The following AGBL4 variants were observed in gnomAD, a reference collection of about 807,000 sequenced individuals.
AGBL4 encodes the protein cytosolic carboxypeptidase 6.
In AGBL4, 58 loss-of-function variants were observed where a neutral mutation model predicts 66.4. The observed-to-expected ratio is 0.87, with a 90% CI of 0.71 to 1.09. The LOEUF (loss-of-function observed/expected upper bound fraction) is 1.09. AGBL4 is among the 50% of genes least tolerant of loss of function. The pLI is 0.00. For synonymous variants in AGBL4, 234 were observed against 222.9 expected (o/e 1.05, Z -0.44); for missense variants, 579 against 631.0 (o/e 0.92, Z 0.88).
chr1:48,525,061 C>G, the AGBL4 span, among the ~76,000 whole-genome samples: 1 of 152,106 alleles, frequency 6.6e-6, no homozygotes, highest in Non-Finnish European at 1.5e-5. Flanking sequence ...CTCATTTTCG[C>G]CACCAGCAGC....
chr1:48,886,055 C>T (rs1650299485), intron 5 of AGBL4, among the ~76,000 whole-genome samples: 1 of 152,174 alleles, frequency 6.6e-6, no homozygotes, highest in Non-Finnish European at 1.5e-5. Context: ...CCACTTCCAT[C>T]TTGGGGAGAG....
chr1:49,865,954 A>C, intron 1 of AGBL4: 1 of 402,104 alleles, frequency 2.5e-6, no homozygotes, highest in Non-Finnish European at 5.1e-6. Context: ...TGAGAATATA[A>C]TTTTGCAACC....
At chr1:49,838,762 T>C (rs1645915551) in intron 2 of AGBL4, among the ~76,000 whole-genome samples, 1 of 152,198 alleles carries the variant, frequency 6.6e-6, no homozygotes, top group Non-Finnish European at 1.5e-5. Flanking sequence ...CATGTTCTGG[T>C]TATCACTAGA....
chr1:49,632,962 T>G (rs904244202), intron 3 of AGBL4, among the ~76,000 whole-genome samples: 8 of 152,044 alleles, frequency 5.3e-5, no homozygotes, highest in African/African-American at 1.9e-4. Flanking sequence ...TAGTCCCAGC[T>G]ACTCGGGAGG....
intron 2 of AGBL4, among the ~76,000 whole-genome samples, chr1:49,757,861 T>A (rs570340757): frequency 1.0e-3 from 154 of 152,132 alleles, no homozygotes; most frequent in Non-Finnish European, 1.7e-3. Context: ...TGGGGAAAAA[T>A]TCAAGCAGTC....
At chr1:48,881,306 T>C (rs1649761510) in intron 5 of AGBL4, among the ~76,000 whole-genome samples, 1 of 152,214 alleles carries the variant, frequency 6.6e-6, no homozygotes, top group South Asian at 2.1e-4. Flanking sequence ...TGAACTGTTG[T>C]TTTAATTCCT....
At chr1:49,129,897 C>A (rs989977753) in intron 4 of AGBL4, among the ~76,000 whole-genome samples, 6 of 152,204 alleles carry the variant, frequency 3.9e-5, no homozygotes, top group Admixed American at 2.6e-4. Flanking sequence ...ACACTGACCT[C>A]CACAATGGTT....
At chr1:48,605,326 TCTG>T (rs1242390165) in intron 9 of AGBL4, among the ~76,000 whole-genome samples, 1 of 152,220 alleles carries the variant, frequency 6.6e-6, no homozygotes, top group Non-Finnish European at 1.5e-5. Context: ...TTTCCTACTC[TCTG>T]CTGATAGGCA....
intron 3 of AGBL4, among the ~76,000 whole-genome samples, chr1:49,476,949 T>G (rs1333208216): frequency 6.6e-6 from 1 of 152,032 alleles, no homozygotes; most frequent in Non-Finnish European, 1.5e-5. Flanking sequence ...TAAGGGCCTG[T>G]TGTGGTATAG....
intron 8 of AGBL4, among the ~76,000 whole-genome samples, chr1:48,643,061 A>C (rs1372010958): frequency 2.0e-5 from 3 of 152,222 alleles, no homozygotes; most frequent in Admixed American, 2.0e-4. Context: ...GAAATCATAC[A>C]GGTAAAATGC....
intron 3 of AGBL4, among the ~76,000 whole-genome samples, chr1:49,548,897 C>T (rs1328768992): frequency 1.3e-5 from 2 of 152,106 alleles, no homozygotes; most frequent in Non-Finnish European, 1.5e-5. Context: ...GCTGTAAATC[C>T]GTCTGGTCTG....
At chr1:48,906,464 G>C (rs1484517108) in intron 5 of AGBL4, among the ~76,000 whole-genome samples, 1 of 152,098 alleles carries the variant, frequency 6.6e-6, no homozygotes, top group African/African-American at 2.4e-5. Flanking sequence ...GGGGCAGTAA[G>C]TTTTAAAACA....
chr1:48,991,001 C>G (rs1487193618), intron 5 of AGBL4, among the ~76,000 whole-genome samples: 2 of 151,848 alleles, frequency 1.3e-5, no homozygotes, highest in East Asian at 3.9e-4. Flanking sequence ...GAGTAGTTTA[C>G]ACACCACAAT....
chr1:49,022,912 T>C (rs763481988), intron 5 of AGBL4, among the ~76,000 whole-genome samples: 18 of 152,168 alleles, frequency 1.2e-4, no homozygotes, highest in Non-Finnish European at 1.5e-4. Context: ...AAATTACAAA[T>C]GAGGCAACTG....
chr1:49,610,729 C>A (rs1358446406), intron 3 of AGBL4, among the ~76,000 whole-genome samples: 1 of 152,128 alleles, frequency 6.6e-6, no homozygotes, highest in South Asian at 2.1e-4. Context: ...CTACTGGAAC[C>A]TTGAGCTTGG....
chr1:49,655,099 T>G (rs1029472644), intron 3 of AGBL4, among the ~76,000 whole-genome samples: 9 of 152,204 alleles, frequency 5.9e-5, no homozygotes, highest in Non-Finnish European at 1.2e-4. Flanking sequence ...TGTTTAGTGC[T>G]TCCTTCAGAA....
At chr1:49,189,705 A>G (rs1222116909) in intron 4 of AGBL4, among the ~76,000 whole-genome samples, 1 of 152,192 alleles carries the variant, frequency 6.6e-6, no homozygotes, top group African/African-American at 2.4e-5. Context: ...TCAACTAAAA[A>G]GCACTGTGAA....
intron 4 of AGBL4, among the ~76,000 whole-genome samples, chr1:49,146,625 T>C (rs1187137275): frequency 6.6e-6 from 1 of 152,152 alleles, no homozygotes; most frequent in Non-Finnish European, 1.5e-5. Flanking sequence ...AGCTATAAAG[T>C]GGGATGGTGG....
At chr1:48,627,610 C>T (rs1329676513) in intron 9 of AGBL4, among the ~76,000 whole-genome samples, 2 of 151,906 alleles carry the variant, frequency 1.3e-5, no homozygotes, top group Non-Finnish European at 2.9e-5. Flanking sequence ...AAGCCAGCCC[C>T]GTGTTGCTCT....
Sources: allele counts gnomAD v4.1 joint callset (sites outside exome capture counted in the v4.1 genomes callset), GRCh38; gene constraint gnomAD v4.1.1; transcripts MANE v1.5; gene names NCBI Gene and HGNC (gene_info 2026-07-23, HGNC 2026-07-21).